The following SLC35A1 variants were observed in gnomAD, a reference collection of about 807,000 sequenced individuals.
SLC35A1 encodes solute carrier family 35 member A1, also known as CMP-sialic acid transporter.
SLC35A1 carries 21 observed loss-of-function variants against 40.3 expected under a neutral mutation model. That is an observed-to-expected ratio of 0.52 (90% confidence interval 0.37 to 0.75). The LOEUF (loss-of-function observed/expected upper bound fraction) is 0.75, where lower values mean the gene tolerates loss of function less well. SLC35A1 is among the 30% of genes least tolerant of loss of function. The pLI, the probability that SLC35A1 is intolerant of heterozygous loss-of-function variation, is 0.00. For missense variants in SLC35A1, 297 were observed against 382.1 expected, an observed-to-expected ratio of 0.78 and a Z score of 1.86; for synonymous variants, 146 against 147.3, an observed-to-expected ratio of 0.99 and a Z score of 0.06.
chr6:87,508,306 T>C (rs1770150027), intron 5 of SLC35A1, 114 bp from the exon 6 acceptor site: 2 of 709,840 alleles, frequency 2.8e-6, no homozygotes, highest in African/African-American at 1.8e-5. Context: ...GTAAAGTATG[T>C]TTTGTTCCCC....
chr6:87,489,603 G>A (rs1205101469), intron 2 of SLC35A1, among the ~76,000 whole-genome samples: 3 of 144,556 alleles, frequency 2.1e-5, no homozygotes, highest in Non-Finnish European at 3.0e-5. Flanking sequence ...GTGCAGTGGC[G>A]CAATCTCGGC....
At chr6:87,507,153 G>A (rs1414471219) in intron 5 of SLC35A1, 1 of 152,156 alleles carries the variant, frequency 6.6e-6, no homozygotes, top group Non-Finnish European at 1.5e-5. Context: ...GCTTTTAGTA[G>A]AATATATTAG....
At chr6:87,492,547 T>A (rs1373279967) in intron 2 of SLC35A1, among the ~76,000 whole-genome samples, 1 of 24,990 alleles carries the variant, frequency 4.0e-5, no homozygotes, top group Non-Finnish European at 6.7e-5. Flanking sequence ...TTATCTTGAT[T>A]TTTTTTTTTT....
chr6:87,502,979 G>C (rs563425612), intron 4 of SLC35A1, among the ~76,000 whole-genome samples: 1 of 152,134 alleles, frequency 6.6e-6, no homozygotes, highest in African/African-American at 2.4e-5. Context: ...CTTCTTGTTA[G>C]CTTTGGGTCA....
intron 2 of SLC35A1, among the ~76,000 whole-genome samples, chr6:87,492,339 G>A (rs1487267033): frequency 1.2e-4 from 18 of 151,858 alleles, no homozygotes; most frequent in Non-Finnish European, 4.4e-5. Context: ...AATCTAGAGA[G>A]TTCCTCCATC....
Position 87,503,613 on chromosome 6 carries a change from G to A in SLC35A1, c.507+2303G>A, listed in dbSNP as rs995891734. Among the ~76,000 whole-genome samples the A allele has an allele frequency of 6.6e-5, 10 of 152,172 alleles. 1 individual carries two copies. The highest frequency in any genetic ancestry group is 2.4e-4 in the African/African-American group (10 of 41,420). On this transcript the variant is annotated intron_variant, in intron 4 of 7. Coordinates refer to ENST00000369552, the MANE Select transcript of SLC35A1 (RefSeq NM_006416.5). ...TGTAATCCTAGCTACTCAGGAGGCT[G>A]AGGCAGGAGAATCGCTTGAACCTGG... is the stretch of plus-strand genomic sequence containing the variant.
At chr6:87,487,851 C>T (rs1769430904) in intron 2 of SLC35A1, among the ~76,000 whole-genome samples, 1 of 152,162 alleles carries the variant, frequency 6.6e-6, no homozygotes, top group South Asian at 2.1e-4. Context: ...CCACTCTGCA[C>T]ATGTCTGCCA....
At chr6:87,494,190 ATATAC>A (rs1769646223) in intron 2 of SLC35A1, among the ~76,000 whole-genome samples, 1 of 152,082 alleles carries the variant, frequency 6.6e-6, no homozygotes, top group African/African-American at 2.4e-5. Context: ...TAGATACCAT[ATATAC>A]CAGTCTGTAC....
chr6:87,511,661 A>G lies in SLC35A1; in HGVS notation c.*135A>G. 1 of 971,114 alleles carries G rather than the reference A, an allele frequency of 1.0e-6. No homozygotes were observed. Among genetic ancestry groups the G allele is most frequent in the South Asian group, 1.3e-5 (1 of 75,892 alleles). The allele number at this position is 971,114 out of a possible 1,614,324, so 60.2% of individuals were successfully genotyped here. On this transcript the variant is annotated 3_prime_UTR_variant, in exon 8 of 8. Coordinates refer to ENST00000369552, the MANE Select transcript of SLC35A1 (RefSeq NM_006416.5). ...TGATCAGTGCGGTTATGTGGAAACA[A>G]CAACAAACAAACGAAGCTATCTGAG...
Position 87,509,424 on chromosome 6 carries a change from CT to C in SLC35A1, c.886+256del, listed in dbSNP as rs1030599457. 5.9e-5 allele frequency among the ~76,000 whole-genome samples: 9 copies of C among 151,948 alleles called. No individual in the cohort carries two copies. The East Asian group carries it at 9.7e-4, about 16-fold the overall frequency. On this transcript the variant is annotated intron_variant, in intron 7 of 7. Transcript: ENST00000369552. Reference sequence around the variant, plus strand: ...CTAGTTCTATGTGAAAGTGAGGGGACTTTTTTTGCAGTCAAGGCCTCCCTGT... The same window carrying C: ...CTAGTTCTATGTGAAAGTGAGGGGACTTTTTTGCAGTCAAGGCCTCCCTGT...
At chr6:87,487,341 G>A (rs1769418714) in intron 2 of SLC35A1, among the ~76,000 whole-genome samples, 1 of 152,210 alleles carries the variant, frequency 6.6e-6, no homozygotes, top group Non-Finnish European at 1.5e-5. Context: ...ACGAAGAGAA[G>A]TTAATGGATT....
intron 1 of SLC35A1, among the ~76,000 whole-genome samples, chr6:87,473,238 C>T (rs1404657063): frequency 6.6e-6 from 1 of 152,166 alleles, no homozygotes; most frequent in Non-Finnish European, 1.5e-5. Context: ...CCGCGCTGGG[C>T]AGGTCGGAGT....
intron 2 of SLC35A1, among the ~76,000 whole-genome samples, chr6:87,486,007 C>CACAG (rs1769378802): frequency 6.6e-6 from 1 of 152,120 alleles, no homozygotes; most frequent in Non-Finnish European, 1.5e-5. Context: ...TTTGCCCATT[C>CACAG]TTTACACTGT....
intron 2 of SLC35A1, among the ~76,000 whole-genome samples, chr6:87,497,488 C>T (rs1769768996): frequency 6.6e-6 from 1 of 152,152 alleles, no homozygotes; most frequent in African/African-American, 2.4e-5. Flanking sequence ...CTCAGATTGG[C>T]TGCTAATTTG....
At chr6:87,510,609 A>C (rs1770231941) in intron 7 of SLC35A1, among the ~76,000 whole-genome samples, 1 of 152,174 alleles carries the variant, frequency 6.6e-6, no homozygotes, top group African/African-American at 2.4e-5. Flanking sequence ...GGTGCCGGGC[A>C]TGGTGGCTCA....
In SLC35A1 at chr6:87,479,170, A is replaced by G. The variant is rs192517483; in HGVS notation, c.194+1631A>G. 9.2e-5 allele frequency among the ~76,000 whole-genome samples: 14 copies of G among 152,364 alleles called. 1 individual carries two copies. In the East Asian group the frequency reaches 2.7e-3, roughly 29 times the overall value. ...ATACTGATTCTTCGAAGAGAAATTT[A>G]GAACTCATATCTAACAATCCCCTCC... On this transcript the variant is annotated intron_variant, in intron 2 of 7. Transcript: ENST00000369552.
At chr6:87,511,278 A>G in intron 7 of SLC35A1, 121 bp from the exon 8 acceptor site, 2 of 1,064,668 alleles carry the variant, frequency 1.9e-6, no homozygotes, top group East Asian at 2.5e-5. Context: ...AAACCTTGCC[A>G]TCATAAAAAT....
chr6:87,484,531 G>T (rs1312773838), intron 2 of SLC35A1, among the ~76,000 whole-genome samples: 1 of 152,112 alleles, frequency 6.6e-6, no homozygotes, highest in Admixed American at 6.5e-5. Flanking sequence ...GGGTTAGACC[G>T]CACAGGCTAA....
chr6:87,499,416 G>T (rs1407785322), intron 2 of SLC35A1, among the ~76,000 whole-genome samples: 1 of 152,046 alleles, frequency 6.6e-6, no homozygotes, highest in Admixed American at 6.6e-5. Flanking sequence ...CTTCTTTTGG[G>T]GTATTGGTGC....
Sources: gnomAD v4.1 joint callset for allele counts (sites outside exome capture counted in the v4.1 genomes callset) on GRCh38, gnomAD v4.1.1 for gene constraint, MANE v1.5 for transcripts, NCBI Gene and HGNC (gene_info 2026-07-23, HGNC 2026-07-21) for gene names.